FCHSD2: variants seen among roughly 807,000 people sequenced by gnomAD.
The protein encoded by FCHSD2 is F-BAR and double SH3 domains protein 2.
A neutral mutation model predicts 108.1 loss-of-function variants in FCHSD2; 38 were observed. That is an observed-to-expected ratio of 0.35 (90% CI 0.27 to 0.46). The LOEUF is 0.46. Ranked by LOEUF, FCHSD2 falls within the 20% of genes least tolerant of loss-of-function variation. FCHSD2 has a pLI of 1.00. For missense variants in FCHSD2, 751 were observed against 897.8 expected (o/e 0.84, Z 2.09); for synonymous variants, 279 against 314.7 (o/e 0.89, Z 1.20).
At chr11:72,951,585 T>C (rs1176408198) in intron 8 of FCHSD2, among the ~76,000 whole-genome samples, 2 of 152,144 alleles carry the variant, frequency 1.3e-5, no homozygotes, top group African/African-American at 2.4e-5. Flanking sequence ...GTGCTTGCCT[T>C]TGCTAGAATC....
At chr11:73,080,037 C>T (rs1859644080) in intron 3 of FCHSD2, among the ~76,000 whole-genome samples, 1 of 152,034 alleles carries the variant, frequency 6.6e-6, no homozygotes, top group African/African-American at 2.4e-5. Flanking sequence ...GTAGCTCATG[C>T]CTCTAATCCC....
intron 3 of FCHSD2, among the ~76,000 whole-genome samples, chr11:73,056,620 A>T (rs1189181739): frequency 6.6e-6 from 1 of 152,216 alleles, no homozygotes; most frequent in Non-Finnish European, 1.5e-5. Flanking sequence ...TCATTCATTA[A>T]ATAAACATTC....
At chr11:73,091,845 G>A (rs1329874953) in intron 2 of FCHSD2, among the ~76,000 whole-genome samples, 3 of 152,062 alleles carry the variant, frequency 2.0e-5, no homozygotes, top group Admixed American at 2.0e-4. Context: ...TTCGTGACTA[G>A]CCTGGCCAAC....
At chr11:72,914,009 CTATTTATT>C (rs557391974) in intron 9 of FCHSD2, among the ~76,000 whole-genome samples, 7 of 151,814 alleles carry the variant, frequency 4.6e-5, no homozygotes, top group South Asian at 4.2e-4. Flanking sequence ...CTGCCTTAAG[CTATTTATT>C]TATTTATTTA....
chr11:72,929,732 T>C (rs1856150788), intron 8 of FCHSD2, among the ~76,000 whole-genome samples: 1 of 152,176 alleles, frequency 6.6e-6, no homozygotes, highest in African/African-American at 2.4e-5. Flanking sequence ...ATAAAAATTG[T>C]CCCAAAAATA....
intron 8 of FCHSD2, among the ~76,000 whole-genome samples, chr11:72,971,260 T>G (rs924627698): frequency 2.6e-5 from 4 of 152,118 alleles, no homozygotes; most frequent in Non-Finnish European, 5.9e-5. Context: ...ACAGTAACAT[T>G]GAGAAATATG....
At chr11:73,041,963 G>T (rs1449646760) in intron 3 of FCHSD2, among the ~76,000 whole-genome samples, 1 of 152,076 alleles carries the variant, frequency 6.6e-6, no homozygotes, top group Non-Finnish European at 1.5e-5. Flanking sequence ...AGTCTCACTC[G>T]TCACCCAGGT....
intron 2 of FCHSD2, among the ~76,000 whole-genome samples, chr11:73,103,279 T>A (rs527842311): frequency 6.6e-6 from 1 of 152,238 alleles, no homozygotes; most frequent in Non-Finnish European, 1.5e-5. Flanking sequence ...AAATAAAACA[T>A]AATAAAAGTT....
intron 12 of FCHSD2, among the ~76,000 whole-genome samples, chr11:72,877,410 T>C (rs760899403): frequency 2.0e-5 from 3 of 152,260 alleles, no homozygotes; most frequent in South Asian, 2.1e-4. Context: ...TATCACTAAG[T>C]ATAGTCTTGT....
At chr11:73,108,269 G>A (rs1203428554) in intron 2 of FCHSD2, among the ~76,000 whole-genome samples, 1 of 152,196 alleles carries the variant, frequency 6.6e-6, no homozygotes, top group Non-Finnish European at 1.5e-5. Context: ...CTTTTCCTAT[G>A]AAGTTGTTTA....
chr11:72,922,050 T>G (rs1182974787), intron 8 of FCHSD2, 100 bp from the exon 9 acceptor site: 2 of 712,442 alleles, frequency 2.8e-6, no homozygotes. Context: ...AGTTTAAAAT[T>G]TATTATTAAT....
At chr11:73,012,553 T>G (rs1291232529) in intron 4 of FCHSD2, among the ~76,000 whole-genome samples, 1 of 152,124 alleles carries the variant, frequency 6.6e-6, no homozygotes, top group Admixed American at 6.6e-5. Flanking sequence ...AATGGAAAAT[T>G]TTAAATAACA....
intron 2 of FCHSD2, among the ~76,000 whole-genome samples, chr11:73,111,566 A>G (rs1371986766): frequency 6.7e-6 from 1 of 150,152 alleles, no homozygotes; most frequent in Non-Finnish European, 1.5e-5. Flanking sequence ...CAGCCACTCT[A>G]TGTCTTTTGA....
rs190899721 is a variant in FCHSD2 at position 73,036,386 on chromosome 11, G to A, written c.166-20501C>T. 2.7e-5 allele frequency among the ~76,000 whole-genome samples: 4 copies of A among 150,574 alleles called. No individual in the cohort carries two copies. The East Asian group carries it at 5.8e-4, about 22-fold the overall frequency. ...GTACAATATTTCACAACGTTATATC[G>A]GTCTTTGGAGTCAAATAAATGTGGG... On this transcript the variant is annotated intron_variant, in intron 3 of 19. Transcript: ENST00000409418.
intron 6 of FCHSD2, among the ~76,000 whole-genome samples, chr11:72,987,204 C>G (rs1315111671): frequency 6.6e-6 from 1 of 152,152 alleles, no homozygotes; most frequent in Non-Finnish European, 1.5e-5. Flanking sequence ...ATAGGTAGTA[C>G]AGTTTAACTT....
intron 8 of FCHSD2, among the ~76,000 whole-genome samples, chr11:72,957,716 A>G (rs914120404): frequency 1.3e-5 from 2 of 151,950 alleles, no homozygotes; most frequent in African/African-American, 2.4e-5. Context: ...TGCATGGCGG[A>G]TATAAATTCT....
rs575537716 is a variant in FCHSD2, at chr11:72,976,343, G to C, written c.705+7745C>G. Reference sequence around the variant, plus strand: ...GTCTCACTTTGTCACCCAGGCTGGAGTGCTGTGGCAGGATCATAGCTCACT... The same window carrying C: ...GTCTCACTTTGTCACCCAGGCTGGACTGCTGTGGCAGGATCATAGCTCACT... On this transcript the variant is annotated intron_variant, in intron 8 of 19. Transcript: ENST00000409418. Among the ~76,000 whole-genome samples the C allele has an allele frequency of 3.3e-5, 5 of 152,254 alleles. No individual in the cohort carries two copies. In the South Asian group the frequency reaches 6.2e-4, roughly 19 times the overall value.
chr11:72,941,578 AAAC>A (rs1856419976), intron 8 of FCHSD2, among the ~76,000 whole-genome samples: 1 of 152,048 alleles, frequency 6.6e-6, no homozygotes, highest in African/African-American at 2.4e-5. Context: ...AGAGTTGTTT[AAAC>A]AACATGAAAT....
At chr11:72,995,102 C>G (rs531877770) in intron 5 of FCHSD2, among the ~76,000 whole-genome samples, 18 of 152,292 alleles carry the variant, frequency 1.2e-4, no homozygotes, top group Admixed American at 2.6e-4. Flanking sequence ...TTTCTCACTT[C>G]TTTCACTTAT....
Sources: gnomAD v4.1 joint callset for allele counts (sites outside exome capture counted in the v4.1 genomes callset) on GRCh38, gnomAD v4.1.1 for gene constraint, MANE v1.5 for transcripts, NCBI Gene and HGNC (gene_info 2026-07-23, HGNC 2026-07-21) for gene names.